The following SRPK2 variants were observed in gnomAD, a reference collection of about 807,000 sequenced individuals.
SRPK2 encodes SFRS protein kinase 2.
A neutral mutation model predicts 90.8 loss-of-function variants in SRPK2; 21 were observed. That is an observed-to-expected ratio of 0.23 (90% confidence interval 0.16 to 0.33). SRPK2 has a LOEUF of 0.33. SRPK2 is among the 10% of genes least tolerant of loss of function. The pLI is 1.00. For synonymous variants in SRPK2, 288 were observed against 311.1 expected, an observed-to-expected ratio of 0.93 and a Z score of 0.78; for missense variants, 620 against 869.0, an observed-to-expected ratio of 0.71 and a Z score of 3.60.
intron 2 of SRPK2, among the ~76,000 whole-genome samples, chr7:105,205,487 T>A (rs1585169150): frequency 1.4e-5 from 2 of 147,232 alleles, no homozygotes; most frequent in Middle Eastern, 3.5e-3. Context: ...TGAAAGAGAA[T>A]AATATTCATT....
chr7:105,328,199 AG>A (rs1257344402), intron 2 of SRPK2, among the ~76,000 whole-genome samples: 2 of 152,208 alleles, frequency 1.3e-5, no homozygotes, highest in Non-Finnish European at 2.9e-5. Flanking sequence ...AAAATGGATC[AG>A]GGCAGGAGGG....
chr7:105,256,226 C>T (rs1803285636), intron 2 of SRPK2, among the ~76,000 whole-genome samples: 1 of 152,144 alleles, frequency 6.6e-6, no homozygotes. Flanking sequence ...AATTGAGAAT[C>T]AATGTGCTAT....
At chr7:105,370,974 C>A (rs981444708) in intron 2 of SRPK2, among the ~76,000 whole-genome samples, 1 of 151,820 alleles carries the variant, frequency 6.6e-6, no homozygotes, top group East Asian at 1.9e-4. Flanking sequence ...CTATGTGGAG[C>A]GTAATTCAAA....
chr7:105,203,514 A>T, intron 3 of SRPK2, 114 bp downstream of exon 3: 1 of 1,216,692 alleles, frequency 8.2e-7, no homozygotes, highest in Non-Finnish European at 1.1e-6. Flanking sequence ...GGCTAATTTA[A>T]TGAAGACCAA....
At chr7:105,338,958 C>A (rs1461293577) in intron 2 of SRPK2, among the ~76,000 whole-genome samples, 1 of 151,986 alleles carries the variant, frequency 6.6e-6, no homozygotes, top group South Asian at 2.1e-4. Flanking sequence ...TAATACTACA[C>A]AACAAAAAGG....
intron 7 of SRPK2, among the ~76,000 whole-genome samples, chr7:105,157,774 G>C (rs573406009): frequency 1.3e-5 from 2 of 152,284 alleles, no homozygotes; most frequent in East Asian, 1.9e-4. Context: ...ATGAATTACA[G>C]TGAGGATAAC....
intron 2 of SRPK2, among the ~76,000 whole-genome samples, chr7:105,262,919 T>G (rs1455532448): frequency 6.6e-6 from 1 of 152,092 alleles, no homozygotes; most frequent in African/African-American, 2.4e-5. Context: ...AAGTATAGAG[T>G]GGTACATTCA....
chr7:105,222,719 T>A (rs924377594), intron 2 of SRPK2, among the ~76,000 whole-genome samples: 2 of 152,208 alleles, frequency 1.3e-5, no homozygotes, highest in African/African-American at 4.8e-5. Flanking sequence ...TTTTAAAACA[T>A]AATTCAGAAA....
At chr7:105,362,135 A>T (rs574697770) in intron 2 of SRPK2, among the ~76,000 whole-genome samples, 1 of 152,298 alleles carries the variant, frequency 6.6e-6, no homozygotes, top group South Asian at 2.1e-4. Flanking sequence ...CCAGAAAAAA[A>T]ATCAAACAAC....
At chr7:105,387,806 G>A (rs770086620) in intron 2 of SRPK2, among the ~76,000 whole-genome samples, 4 of 152,238 alleles carry the variant, frequency 2.6e-5, no homozygotes, top group Non-Finnish European at 5.9e-5. Context: ...GAGTGGAAAA[G>A]GAGAAGACGC....
chr7:105,266,604 T>C (rs1318761872), intron 2 of SRPK2, among the ~76,000 whole-genome samples: 1 of 152,110 alleles, frequency 6.6e-6, no homozygotes, highest in Non-Finnish European at 1.5e-5. Flanking sequence ...AAATTCCAAA[T>C]ATCTCTAAGA....
chr7:105,224,922 C>G lies in SRPK2; in HGVS notation c.72-21137G>C, dbSNP rs539015847. 3.5e-4 allele frequency among the ~76,000 whole-genome samples: 53 copies of G among 152,276 alleles called. 1 individual carries two copies. The highest frequency in any genetic ancestry group is 3.4e-3 in the Middle Eastern group (1 of 294). On this transcript the variant is annotated intron_variant, in intron 2 of 15. Coordinates refer to ENST00000393651, the MANE Select transcript of SRPK2 (RefSeq NM_182692.3). ...AAGCCCCAATCTTAAAACACACGAGCTAAAACATAAAAAAGACGTTAAAAT... is the reference window on the plus strand; with the variant it reads ...AAGCCCCAATCTTAAAACACACGAGGTAAAACATAAAAAAGACGTTAAAAT...
chr7:105,299,091 T>A (rs939088864), intron 2 of SRPK2, among the ~76,000 whole-genome samples: 1 of 152,202 alleles, frequency 6.6e-6, no homozygotes, highest in African/African-American at 2.4e-5. Flanking sequence ...CAGGACTGGC[T>A]GCCCAGTGGG....
intron 2 of SRPK2, among the ~76,000 whole-genome samples, chr7:105,329,293 A>T (rs1337616917): frequency 2.6e-5 from 4 of 152,174 alleles, no homozygotes; most frequent in Admixed American, 1.3e-4. Flanking sequence ...AATATCATGT[A>T]CTAATGTGGA....
At chr7:105,388,965 C>G (rs1244137301), upstream of SRPK2, 31 of 1,130,690 alleles carry the variant, frequency 2.7e-5, no homozygotes, top group Non-Finnish European at 3.4e-5. Context: ...CCCAGCAAGA[C>G]CCGCCCCCGT....
chr7:105,127,104 G>GC (rs765787945), intron 13 of SRPK2, 42 bp from the exon 14 acceptor site: 2 of 1,597,648 alleles, frequency 1.3e-6, no homozygotes, highest in East Asian at 2.2e-5. Context: ...TCAGAGACTG[G>GC]CCCCCAAGTC....
intron 11 of SRPK2, among the ~76,000 whole-genome samples, chr7:105,139,834 C>G (rs1584923941): frequency 6.6e-6 from 1 of 151,782 alleles, no homozygotes; most frequent in South Asian, 2.1e-4. Flanking sequence ...AAGGCTCAGA[C>G]AGGGTAAGAA....
intron 2 of SRPK2, among the ~76,000 whole-genome samples, chr7:105,357,844 A>G (rs1276447368): frequency 6.6e-6 from 1 of 152,160 alleles, no homozygotes; most frequent in Non-Finnish European, 1.5e-5. Flanking sequence ...GGTAAATAAG[A>G]TAGCCTTTGC....
chr7:105,390,086 T>A (rs1184344789), upstream of SRPK2, among the ~76,000 whole-genome samples: 1 of 152,244 alleles, frequency 6.6e-6, no homozygotes, highest in African/African-American at 2.4e-5. Context: ...TGTCTGTGTG[T>A]ATGGTTTATT....
Sources: gnomAD v4.1 joint callset for allele counts (sites outside exome capture counted in the v4.1 genomes callset) on GRCh38, gnomAD v4.1.1 for gene constraint, MANE v1.5 for transcripts, NCBI Gene and HGNC (gene_info 2026-07-23, HGNC 2026-07-21) for gene names.